PTPDC1: variants seen among roughly 807,000 people sequenced by gnomAD.
PTPDC1 encodes protein tyrosine phosphatase domain-containing protein 1.
Under a neutral mutation model 75.3 loss-of-function variants are expected in PTPDC1, and 53 were observed. That is an observed-to-expected ratio of 0.70 (90% confidence interval 0.56 to 0.88). The LOEUF (loss-of-function observed/expected upper bound fraction) is 0.88. Among genes scored for constraint, PTPDC1 ranks in the 40% least tolerant of loss-of-function variants. The pLI is 0.00. For missense variants in PTPDC1, 925 were observed against 998.6 expected (o/e 0.93, Z 0.99); for synonymous variants, 349 against 366.2 (o/e 0.95, Z 0.54).
chr9:94,098,471 G>C lies in PTPDC1; in HGVS notation c.1905G>C (p.Gln635His), dbSNP rs1204441091. 6.2e-7 allele frequency: 1 copy of C among 1,614,174 alleles called. No individual in the cohort carries two copies. The highest frequency in any genetic ancestry group is 2.2e-5 in the East Asian group (1 of 44,880). The change falls in exon 6 of 9, where the codon CAG becomes CAC. Residue 635 changes from glutamine (Q) to histidine (H), a missense_variant. Gln to His is a conservative substitution (Grantham distance 24). Transcript: ENST00000620992. ...AAGCAGCTTCACACTCTGCATTACA[G>C]TCTGAATTGAGTGCTGAGGCAAGAA... ...LSEAASHSAL[Q>H]SELSAEARRI...
chr9:94,062,274 G>A (rs1253976366), intron 1 of PTPDC1, among the ~76,000 whole-genome samples: 43 of 152,060 alleles, frequency 2.8e-4, no homozygotes, highest in Non-Finnish European at 2.9e-5. Flanking sequence ...ATTTCCATCT[G>A]AGACCTCCTC....
chr9:94,066,279 G>A (rs1471291875), intron 2 of PTPDC1, among the ~76,000 whole-genome samples: 1 of 152,094 alleles, frequency 6.6e-6, no homozygotes, highest in Non-Finnish European at 1.5e-5. Flanking sequence ...TAGTATAAAT[G>A]CAGCTAATTT....
At chr9:94,088,744 C>T (rs1033016356) in intron 4 of PTPDC1, among the ~76,000 whole-genome samples, 14 of 152,134 alleles carry the variant, frequency 9.2e-5, no homozygotes, top group Non-Finnish European at 1.6e-4. Context: ...AATTTCAAAG[C>T]CGCCTCAATC....
chr9:94,033,552 C>T (rs192742557), intron 1 of PTPDC1, among the ~76,000 whole-genome samples: 1 of 152,186 alleles, frequency 6.6e-6, no homozygotes, highest in Non-Finnish European at 1.5e-5. Flanking sequence ...CTCAGTTCTT[C>T]CTCTCTGATT....
chr9:94,098,884 G>A (rs1271983740), intron 6 of PTPDC1, among the ~76,000 whole-genome samples: 1 of 152,236 alleles, frequency 6.6e-6, no homozygotes, highest in Non-Finnish European at 1.5e-5. Context: ...CTGGCCCACA[G>A]CAGACAGCAT....
chr9:94,084,339 A>G (rs1321470621), upstream of PTPDC1: 3 of 687,340 alleles, frequency 4.4e-6, no homozygotes, highest in East Asian at 3.3e-5. Flanking sequence ...ATCTGTTCAT[A>G]TTGGATTTTG....
In PTPDC1 at chr9:94,107,874, A is replaced by G; in HGVS notation, c.2357A>G (p.Lys786Arg). ...ENGPTVYNTL[K>R]KIFKHTLEEK... Reference sequence around the variant, plus strand: ...GGACCAACAGTTTACAACACCCTGAAGAAAATATTTAAGCACACGCTGGAA... The same window carrying G: ...GGACCAACAGTTTACAACACCCTGAGGAAAATATTTAAGCACACGCTGGAA... Residue 786 changes from lysine to arginine, a missense_variant, in exon 9 of 9, where the codon AAG becomes AGG. Transcript: ENST00000620992. 6.2e-7 allele frequency: 1 copy of G among 1,611,348 alleles called. No homozygotes were observed. The highest frequency in any genetic ancestry group is 1.3e-5 in the African/African-American group (1 of 74,908).
At chr9:94,098,648 A>G in intron 6 of PTPDC1, 69 bp downstream of exon 6, 2 of 1,279,512 alleles carry the variant, frequency 1.6e-6, no homozygotes, top group Non-Finnish European at 1.1e-6. Flanking sequence ...AGTGTGATAC[A>G]TTTTCCCAAA....
upstream of PTPDC1, among the ~76,000 whole-genome samples, chr9:94,082,001 G>T (rs1181886886): frequency 1.3e-5 from 2 of 152,214 alleles, no homozygotes; most frequent in African/African-American, 4.8e-5. Context: ...TTGAAGCCCA[G>T]CGTGTTGGCA....
chr9:94,055,279 A>G (rs1314572591), intron 1 of PTPDC1, among the ~76,000 whole-genome samples: 1 of 152,182 alleles, frequency 6.6e-6, no homozygotes, highest in African/African-American at 2.4e-5. Context: ...TTCCTCATCT[A>G]TAAACAGGAA....
Position 94,108,088 on chromosome 9 carries a change from G to A in PTPDC1, c.*144G>A, listed in dbSNP as rs1413083885. 1.4e-5 allele frequency: 6 copies of A among 421,886 alleles called. No individual in the cohort carries two copies. Among genetic ancestry groups the A allele is most frequent in the South Asian group, 1.1e-4 (1 of 9,066 alleles). 26.1% of individuals were successfully genotyped at this position (421,886 alleles called of 1,614,324 possible). A position where few individuals can be genotyped will look rare whatever the true frequency, so the allele number is the denominator to read the frequency against. On this transcript the variant is annotated 3_prime_UTR_variant, in exon 9 of 9. Transcript: ENST00000620992. The stretch of plus-strand genomic sequence containing the variant: ...TAGTTTGTGCTGAGAATGGTCGTCC[G>A]TATTTGAACCAATTATTTATTTTAA...
intron 2 of PTPDC1, among the ~76,000 whole-genome samples, chr9:94,087,336 T>C (rs1453697136): frequency 6.6e-6 from 1 of 152,126 alleles, no homozygotes; most frequent in Non-Finnish European, 1.5e-5. Context: ...CACCAAAATC[T>C]CAAAATTCAC....
intron 2 of PTPDC1, among the ~76,000 whole-genome samples, chr9:94,077,802 C>T (rs1445033304): frequency 1.3e-5 from 2 of 152,328 alleles, no homozygotes; most frequent in East Asian, 1.9e-4. Flanking sequence ...AAAGTCCCAA[C>T]GCTGTAATCC....
chr9:94,062,134 C>T (rs1826162154), intron 1 of PTPDC1, among the ~76,000 whole-genome samples: 1 of 152,156 alleles, frequency 6.6e-6, no homozygotes, highest in Admixed American at 6.5e-5. Context: ...AAATTTCTTC[C>T]ACTAGATACC....
intron 1 of PTPDC1, among the ~76,000 whole-genome samples, chr9:94,038,718 T>A (rs1825347103): frequency 1.3e-5 from 2 of 152,224 alleles, no homozygotes; most frequent in Admixed American, 6.5e-5. Flanking sequence ...ACTGGGGAAA[T>A]TCCTTCACTG....
chr9:94,091,544 CTTTT>C (rs1462648030), intron 4 of PTPDC1, among the ~76,000 whole-genome samples: 1 of 151,964 alleles, frequency 6.6e-6, no homozygotes, highest in Non-Finnish European at 1.5e-5. Flanking sequence ...CTAAAATTCT[CTTTT>C]TTTGTTGTGT....
intron 2 of PTPDC1, among the ~76,000 whole-genome samples, chr9:94,078,425 C>T (rs562527053): frequency 1.3e-4 from 20 of 152,236 alleles, no homozygotes; most frequent in Non-Finnish European, 2.8e-4. Context: ...TCTATTTGAG[C>T]ATTTTTACTG....
At chr9:94,103,231 A>G (rs1362028540) in intron 7 of PTPDC1, among the ~76,000 whole-genome samples, 2 of 152,236 alleles carry the variant, frequency 1.3e-5, no homozygotes, top group Admixed American at 1.3e-4. Flanking sequence ...CAATTAAATC[A>G]CAGAGTTAAA....
At chr9:94,051,032 C>T (rs569152875) in intron 1 of PTPDC1, among the ~76,000 whole-genome samples, 2 of 152,330 alleles carry the variant, frequency 1.3e-5, no homozygotes, top group East Asian at 3.9e-4. Flanking sequence ...ATATAATCTC[C>T]TGGTGTGCCG....
Sources: allele counts gnomAD v4.1 joint callset (sites outside exome capture counted in the v4.1 genomes callset), GRCh38; gene constraint gnomAD v4.1.1; transcripts MANE v1.5; gene names NCBI Gene and HGNC (gene_info 2026-07-23, HGNC 2026-07-21).